The following PTPRT variants were observed in gnomAD, a reference collection of about 807,000 sequenced individuals.
The protein encoded by PTPRT is receptor-type tyrosine-protein phosphatase T.
PTPRT carries 56 observed loss-of-function variants against 176.8 expected under a neutral mutation model. The ratio of observed to expected loss-of-function variants is 0.32; its 90% CI spans 0.26 to 0.40. The LOEUF (loss-of-function observed/expected upper bound fraction) is 0.40, where lower values mean the gene tolerates loss of function less well. PTPRT is among the 10% of genes least tolerant of loss of function. PTPRT has a pLI of 1.00. For missense variants in PTPRT, 1,540 were observed against 1,908.2 expected, an observed-to-expected ratio of 0.81 and a Z score of 3.60; for synonymous variants, 783 against 739.0, an observed-to-expected ratio of 1.06 and a Z score of -0.96.
intron 7 of PTPRT, among the ~76,000 whole-genome samples, chr20:42,578,884 T>A (rs565500460): frequency 6.9e-6 from 1 of 145,076 alleles, no homozygotes; most frequent in South Asian, 2.3e-4. Flanking sequence ...CCTTTGAGTC[T>A]TGCAAGTTTT....
chr20:42,357,167 A>G (rs2058369153), intron 9 of PTPRT, among the ~76,000 whole-genome samples: 1 of 152,202 alleles, frequency 6.6e-6, no homozygotes, highest in Non-Finnish European at 1.5e-5. Flanking sequence ...GTCAAATTCA[A>G]TCTACCATCT....
intron 2 of PTPRT, among the ~76,000 whole-genome samples, chr20:42,873,812 C>T (rs1400192058): frequency 6.6e-6 from 1 of 152,182 alleles, no homozygotes; most frequent in Non-Finnish European, 1.5e-5. Flanking sequence ...CAATGGATTA[C>T]TGGATTTTCC....
chr20:42,892,091 C>T (rs1385381695), intron 1 of PTPRT, among the ~76,000 whole-genome samples: 3 of 152,186 alleles, frequency 2.0e-5, no homozygotes, highest in Non-Finnish European at 2.9e-5. Context: ...AGAAGTATTG[C>T]TTTCTTCTTT....
intron 6 of PTPRT, among the ~76,000 whole-genome samples, chr20:42,713,112 C>A (rs2076169900): frequency 6.6e-6 from 1 of 151,660 alleles, no homozygotes; most frequent in Middle Eastern, 3.4e-3. Flanking sequence ...ACATGAAATA[C>A]CTTTGGAAAG....
intron 1 of PTPRT, among the ~76,000 whole-genome samples, chr20:42,995,218 T>C (rs1047957228): frequency 3.3e-5 from 5 of 152,210 alleles, no homozygotes; most frequent in Admixed American, 1.3e-4. Flanking sequence ...GTTTCTACTA[T>C]TCAGAAGTTC....
chr20:42,793,694 C>G (rs1479611552), intron 2 of PTPRT, among the ~76,000 whole-genome samples: 1 of 152,064 alleles, frequency 6.6e-6, no homozygotes, highest in Non-Finnish European at 1.5e-5. Flanking sequence ...CGCAAGGGGG[C>G]AGCTAAAAAG....
intron 1 of PTPRT, among the ~76,000 whole-genome samples, chr20:43,162,061 G>T (rs2146442728): frequency 6.6e-6 from 1 of 152,324 alleles, no homozygotes; most frequent in Middle Eastern, 3.4e-3. Flanking sequence ...CGGGCAAGAA[G>T]CAGGGAAATG....
chr20:42,931,101 G>A (rs997444231), intron 1 of PTPRT, among the ~76,000 whole-genome samples: 1 of 152,144 alleles, frequency 6.6e-6, no homozygotes, highest in Non-Finnish European at 1.5e-5. Flanking sequence ...AGGAGTGGGG[G>A]TAAGGAGTTA....
chr20:43,103,199 C>G (rs1430469051), intron 1 of PTPRT, among the ~76,000 whole-genome samples: 1 of 152,170 alleles, frequency 6.6e-6, no homozygotes, highest in Non-Finnish European at 1.5e-5. Flanking sequence ...CCCTTGTCAC[C>G]TGGTCCACCA....
chr20:42,106,693 A>T (rs1986474869), intron 24 of PTPRT, 93 bp downstream of exon 24: 1 of 1,477,964 alleles, frequency 6.8e-7, no homozygotes, highest in Non-Finnish European at 9.2e-7. Flanking sequence ...TTTCCATAGG[A>T]TGCCCCTACC....
chr20:42,098,656 T>A, intron 26 of PTPRT, 104 bp from the exon 27 acceptor site: 1 of 1,456,022 alleles, frequency 6.9e-7, no homozygotes, highest in Non-Finnish European at 9.3e-7. Context: ...GCCTGCCAAA[T>A]AGATTATACA....
chr20:42,276,496 AATATATATATATATATATATAT>A (rs61484693), intron 13 of PTPRT, among the ~76,000 whole-genome samples: 601 of 44,134 alleles, frequency 0.014, 25 homozygotes, highest in African/African-American at 0.033. Context: ...GAAAGAAGGA[AATATATATATATATATATATAT>A]ATATATATAT....
intron 17 of PTPRT, among the ~76,000 whole-genome samples, chr20:42,157,256 T>C (rs1989397767): frequency 6.6e-6 from 1 of 152,190 alleles, no homozygotes; most frequent in Non-Finnish European, 1.5e-5. Context: ...CTCTACTTCA[T>C]GTCCCTGGAA....
chr20:42,457,430 G>A (rs999932123), intron 8 of PTPRT, among the ~76,000 whole-genome samples: 4 of 152,144 alleles, frequency 2.6e-5, no homozygotes, highest in Middle Eastern at 3.4e-3. Flanking sequence ...TGCTTCAATT[G>A]TTAGGGGGTA....
chr20:42,585,286 T>C (rs2073452927), intron 7 of PTPRT, among the ~76,000 whole-genome samples: 1 of 152,134 alleles, frequency 6.6e-6, no homozygotes, highest in Non-Finnish European at 1.5e-5. Flanking sequence ...TGAATTAATA[T>C]AGATGTTTTC....
At chr20:42,582,044 C>T (rs1172983629) in intron 7 of PTPRT, among the ~76,000 whole-genome samples, 1 of 152,206 alleles carries the variant, frequency 6.6e-6, no homozygotes, top group African/African-American at 2.4e-5. Flanking sequence ...GTGAAACCAG[C>T]ACTCCAGGTT....
Position 42,100,599 on chromosome 20 carries a change from G to A in PTPRT, c.3714+1525C>T, listed in dbSNP as rs140819376. ...TTAAGTAGAGGCCAGGAGCTTATTT[G>A]ATCTTTGCCTGGATGAGGAAGGCAG... On this transcript the variant is annotated intron_variant, in intron 26 of 30. Coordinates refer to ENST00000373187, the MANE Select transcript of PTPRT (RefSeq NM_007050.6). Among the ~76,000 whole-genome samples, 679 of 152,258 alleles carry A rather than the reference G, an allele frequency of 4.5e-3. 8 individuals are homozygous for A. Among genetic ancestry groups the A allele is most frequent in the African/African-American group, 0.015 (637 of 41,520 alleles).
intron 1 of PTPRT, among the ~76,000 whole-genome samples, chr20:43,070,396 C>T (rs542881289): frequency 6.6e-6 from 1 of 152,286 alleles, no homozygotes; most frequent in African/African-American, 2.4e-5. Context: ...ACTAGTTCAA[C>T]CATTGTGGAA....
intron 7 of PTPRT, among the ~76,000 whole-genome samples, chr20:42,599,038 G>A (rs1339020529): frequency 6.6e-6 from 1 of 152,196 alleles, no homozygotes; most frequent in African/African-American, 2.4e-5. Flanking sequence ...CAAACTGGAG[G>A]CAGGGAGACA....
Sources: allele counts gnomAD v4.1 joint callset (sites outside exome capture counted in the v4.1 genomes callset), GRCh38; gene constraint gnomAD v4.1.1; transcripts MANE v1.5; gene names NCBI Gene and HGNC (gene_info 2026-07-23, HGNC 2026-07-21).